The following NOL4 variants were observed in gnomAD, a reference collection of about 807,000 sequenced individuals.
The protein encoded by NOL4 is nucleolar protein 4.
A neutral mutation model predicts 75.9 loss-of-function variants in NOL4; 17 were observed. That is an observed-to-expected ratio of 0.22 (90% CI 0.15 to 0.34). NOL4 has a LOEUF of 0.34. Ranked by LOEUF, NOL4 falls within the 10% of genes least tolerant of loss-of-function variation. NOL4 has a pLI of 1.00. For missense variants in NOL4, 614 were observed against 793.5 expected, an observed-to-expected ratio of 0.77 and a Z score of 2.72; for synonymous variants, 292 against 289.9, an observed-to-expected ratio of 1.01 and a Z score of -0.07.
intron 2 of NOL4, among the ~76,000 whole-genome samples, chr18:34,110,265 T>C (rs772380212): frequency 6.7e-6 from 1 of 150,222 alleles, no homozygotes; most frequent in Non-Finnish European, 1.5e-5. Flanking sequence ...ATTTCTCTGA[T>C]GAACATAGAT....
intron 6 of NOL4, among the ~76,000 whole-genome samples, chr18:33,984,828 A>G (rs1272169806): frequency 6.6e-6 from 1 of 152,116 alleles, no homozygotes; most frequent in Non-Finnish European, 1.5e-5. Flanking sequence ...AAACAATACA[A>G]AACAACAATA....
chr18:34,130,060 A>G, intron 1 of NOL4, 40 bp from the exon 2 acceptor site: 1 of 1,467,174 alleles, frequency 6.8e-7, no homozygotes, highest in Non-Finnish European at 9.0e-7. Context: ...CATAAGATTA[A>G]TAAACTAATT....
chr18:33,867,113 T>C (rs554090878), intron 10 of NOL4, among the ~76,000 whole-genome samples: 20 of 152,164 alleles, frequency 1.3e-4, no homozygotes, highest in Non-Finnish European at 2.5e-4. Context: ...GTACTATTTA[T>C]AGTTTACTTG....
intron 1 of NOL4, among the ~76,000 whole-genome samples, chr18:34,143,637 C>T (rs1484254418): frequency 6.6e-6 from 1 of 151,928 alleles, no homozygotes; most frequent in Admixed American, 6.6e-5. Context: ...GAGGCCGAGG[C>T]GGGTGGATCA....
intron 9 of NOL4, among the ~76,000 whole-genome samples, chr18:33,915,773 G>T: frequency 6.6e-6 from 1 of 152,162 alleles, no homozygotes; most frequent in Non-Finnish European, 1.5e-5. Flanking sequence ...TTCAATAAAT[G>T]ATATTTGGAA....
intron 6 of NOL4, among the ~76,000 whole-genome samples, chr18:34,008,647 C>T (rs2074196458): frequency 6.6e-6 from 1 of 151,948 alleles, no homozygotes; most frequent in African/African-American, 2.4e-5. Context: ...CCAAATATCT[C>T]CTTTACCAGC....
At chr18:34,126,409 G>C (rs772681260) in intron 2 of NOL4, among the ~76,000 whole-genome samples, 1 of 152,084 alleles carries the variant, frequency 6.6e-6, no homozygotes, top group Non-Finnish European at 1.5e-5. Flanking sequence ...TTATATATAT[G>C]AGTAATACAT....
At chr18:33,988,962 C>A (rs973258707) in intron 6 of NOL4, among the ~76,000 whole-genome samples, 7 of 151,636 alleles carry the variant, frequency 4.6e-5, no homozygotes, top group Admixed American at 3.9e-4. Context: ...TTTTGGGAAG[C>A]CAACTGGAAG....
chr18:34,081,527 CA>C (rs1437849263), intron 5 of NOL4, among the ~76,000 whole-genome samples: 3 of 151,992 alleles, frequency 2.0e-5, no homozygotes, highest in African/African-American at 7.3e-5. Context: ...CACTCTTCAT[CA>C]ATAACATATA....
intron 2 of NOL4, among the ~76,000 whole-genome samples, chr18:34,114,571 GT>G (rs1352943465): frequency 6.6e-6 from 1 of 152,050 alleles, no homozygotes; most frequent in African/African-American, 2.4e-5. Flanking sequence ...TACAAATGTT[GT>G]TTTCTAGGAA....
At chr18:34,014,174 AT>A (rs2074547661) in intron 6 of NOL4, among the ~76,000 whole-genome samples, 1 of 152,014 alleles carries the variant, frequency 6.6e-6, no homozygotes, top group Non-Finnish European at 1.5e-5. Flanking sequence ...TACCATTAAT[AT>A]TTTATAAACT....
At chr18:34,130,527 A>G (rs2080591422) in intron 1 of NOL4, among the ~76,000 whole-genome samples, 1 of 152,094 alleles carries the variant, frequency 6.6e-6, no homozygotes, top group Non-Finnish European at 1.5e-5. Flanking sequence ...TATTGGTCTA[A>G]AGAACAATAT....
At chr18:33,987,669 A>G (rs1026490633) in intron 6 of NOL4, among the ~76,000 whole-genome samples, 7 of 152,158 alleles carry the variant, frequency 4.6e-5, no homozygotes, top group Admixed American at 6.6e-5. Flanking sequence ...GAGACAAAGA[A>G]AGATTAAATA....
intron 2 of NOL4, 91 bp downstream of exon 2, chr18:34,129,780 G>T: frequency 1.7e-6 from 2 of 1,198,902 alleles, no homozygotes; most frequent in Non-Finnish European, 1.1e-6. Context: ...GTTGAAGATA[G>T]AATATTTATA....
intron 9 of NOL4, among the ~76,000 whole-genome samples, chr18:33,905,076 G>T (rs2065954921): frequency 2.0e-5 from 3 of 152,184 alleles, no homozygotes; most frequent in African/African-American, 7.2e-5. Context: ...TGCTCAAATT[G>T]AATCTCTTTG....
chr18:34,080,606 C>T (rs921178722), intron 5 of NOL4, among the ~76,000 whole-genome samples: 2 of 152,164 alleles, frequency 1.3e-5, no homozygotes, highest in Non-Finnish European at 2.9e-5. Flanking sequence ...TGGGCCACTG[C>T]TACGTCCATT....
intron 5 of NOL4, among the ~76,000 whole-genome samples, chr18:34,082,581 A>C (rs1180781827): frequency 6.6e-6 from 1 of 152,148 alleles, no homozygotes; most frequent in Non-Finnish European, 1.5e-5. Flanking sequence ...CTAAAATAGA[A>C]TCATGCACAC....
chr18:34,169,799 A>G (rs1215334822), intron 1 of NOL4, among the ~76,000 whole-genome samples: 1 of 152,186 alleles, frequency 6.6e-6, no homozygotes, highest in East Asian at 1.9e-4. Context: ...ATTTGACAAA[A>G]TCCCACATCC....
chr18:34,019,431 G>A lies in NOL4; in HGVS notation c.943C>T (p.Leu315=), dbSNP rs761210998. ...TCATCTATTCTGTATTCCGAAGTTA[G>A]CTGCGCAGAGAGGGGACTGTCACTC... ...NLSDSPLSAQ[L]TSEYRIDDHN... Residue 315 remains leucine (L), a synonymous_variant, in exon 6 of 11, where the codon CTA becomes TTA. Coordinates refer to ENST00000261592, the MANE Select transcript of NOL4 (RefSeq NM_003787.5). The A allele has an allele frequency of 1.9e-6, 3 of 1,613,876 alleles. No homozygotes were observed. Among genetic ancestry groups the A allele is most frequent in the East Asian group, 2.2e-5 (1 of 44,844 alleles).
Sources: gnomAD v4.1 joint callset for allele counts (sites outside exome capture counted in the v4.1 genomes callset) on GRCh38, gnomAD v4.1.1 for gene constraint, MANE v1.5 for transcripts, NCBI Gene and HGNC (gene_info 2026-07-23, HGNC 2026-07-21) for gene names.